Variants in AGAP4 observed in about 807,000 individuals in gnomAD.
AGAP4 encodes the protein arf-GAP with GTPase, ANK repeat and PH domain-containing protein 4.
AGAP4 carries 13 observed loss-of-function variants against 60.7 expected under a neutral mutation model. The ratio of observed to expected loss-of-function variants is 0.21; its 90% CI spans 0.14 to 0.34. AGAP4 has a LOEUF of 0.34. AGAP4 is among the 10% of genes least tolerant of loss of function. The pLI is 1.00. For missense variants in AGAP4, 169 were observed against 884.0 expected, an observed-to-expected ratio of 0.19 and a Z score of 10.26; for synonymous variants, 70 against 339.0, an observed-to-expected ratio of 0.21 and a Z score of 8.72.
chr10:45,848,670 T>C (rs1366840559), upstream of AGAP4, among the ~76,000 whole-genome samples: 1 of 152,094 alleles, frequency 6.6e-6, no homozygotes, highest in Non-Finnish European at 1.5e-5. Context: ...CCCAGTTGCT[T>C]AAGCATGATT....
upstream of AGAP4, chr10:45,847,514 T>G (rs1202730778): frequency 1.2e-4 from 179 of 1,503,998 alleles, no homozygotes; most frequent in Non-Finnish European, 1.5e-4. Flanking sequence ...GCCCTGGCCC[T>G]GGCCCCGGCC....
At chr10:45,836,948 C>A (rs2058828281) in intron 4 of AGAP4, among the ~76,000 whole-genome samples, 1 of 149,366 alleles carries the variant, frequency 6.7e-6, no homozygotes, top group Non-Finnish European at 1.5e-5. Flanking sequence ...CTCACTGCAA[C>A]CTCTGCCTCC....
At chr10:45,853,737 A>T in exon 1 of AGAP4, 1 of 1,288,004 alleles carries the variant, frequency 7.8e-7, no homozygotes, top group South Asian at 1.2e-5. Flanking sequence ...GCAGCAGCCA[A>T]CAGGTCTGGA....
At chr10:45,830,176 T>C (rs1250023659) in intron 6 of AGAP4, among the ~76,000 whole-genome samples, 1 of 149,360 alleles carries the variant, frequency 6.7e-6, no homozygotes, top group Non-Finnish European at 1.5e-5. Flanking sequence ...TTATTGCTTC[T>C]TTTTTTCTTT....
At chr10:45,852,768 T>C (rs2059100616) in intron 1 of AGAP4, among the ~76,000 whole-genome samples, 1 of 152,068 alleles carries the variant, frequency 6.6e-6, no homozygotes. Context: ...TCTAGTAAAA[T>C]CTTCAGGACC....
upstream of AGAP4, among the ~76,000 whole-genome samples, chr10:45,851,244 C>T (rs1449807312): frequency 6.6e-6 from 1 of 151,994 alleles, no homozygotes; most frequent in African/African-American, 2.4e-5. Context: ...ATTTGCACGG[C>T]ATTAAGTGAA....
chr10:45,853,999 G>A (rs2059112840), upstream of AGAP4: 1 of 629,026 alleles, frequency 1.6e-6, no homozygotes, highest in African/African-American at 1.9e-5. Context: ...TACTGGAGAT[G>A]AGTGACCCCA....
rs2059016145 is a variant in AGAP4 at position 45,847,309 on chromosome 10, G to A, written c.39C>T (p.Val13=). 10 of 1,596,996 alleles carry A rather than the reference G, an allele frequency of 6.3e-6. No homozygotes were observed. The highest frequency in any genetic ancestry group is 7.6e-6 in the Non-Finnish European group (9 of 1,179,622). Residue 13 remains valine, a synonymous_variant, in exon 1 of 8, where the codon GTC becomes GTT. Transcript: ENST00000616763. ...CCTGCTGCTGGTCAAACTCGAGGCT[G>A]ACGCTAGGGTGCACACGACAGGTCA... ...NILTCRVHPS[V]SLEFDQQQGS...
chr10:45,832,879 A>G (rs2135932805), intron 5 of AGAP4, among the ~76,000 whole-genome samples: 1 of 131,238 alleles, frequency 7.6e-6, no homozygotes, highest in East Asian at 2.2e-4. Context: ...TAGTGAATAC[A>G]CCAAATGATC....
Position 45,847,451 on chromosome 10 carries a change from C to G in AGAP4, c.-104G>C. 1 of 1,531,206 alleles carries G rather than the reference C, an allele frequency of 6.5e-7. No homozygotes were observed. The highest frequency in any genetic ancestry group is 8.7e-7 in the Non-Finnish European group (1 of 1,145,088). 94.9% of individuals were successfully genotyped at this position (1,531,206 alleles called of 1,614,324 possible). ...GCTATGCTGCACTTGCAGAGATGGT[C>G]TTCCCGCTCCTCGCCTGCCCACCTC... On this transcript the variant is annotated 5_prime_UTR_variant, in exon 1 of 8. Coordinates refer to ENST00000616763, the MANE Select transcript of AGAP4 (RefSeq NM_001276343.3).
chr10:45,829,949 A>C (rs1480556538), intron 6 of AGAP4, among the ~76,000 whole-genome samples: 1 of 148,150 alleles, frequency 6.7e-6, no homozygotes, highest in Non-Finnish European at 1.5e-5. Context: ...ATGATATTAT[A>C]AATGCAAGTA....
chr10:45,829,064 G>A (rs1218910549), intron 6 of AGAP4, among the ~76,000 whole-genome samples: 1 of 57,864 alleles, frequency 1.7e-5, no homozygotes, highest in Non-Finnish European at 3.3e-5. Flanking sequence ...ATTTGTGAAA[G>A]TAATACAAAG....
At chr10:45,847,079 C>T in intron 1 of AGAP4, 46 bp downstream of exon 1, 1 of 1,597,346 alleles carries the variant, frequency 6.3e-7, no homozygotes, top group South Asian at 1.1e-5. Flanking sequence ...GGGACAGTAG[C>T]AGCCAGAGGC....
At chr10:45,852,217 T>TAAAAA (rs781889843), upstream of AGAP4, among the ~76,000 whole-genome samples, 9 of 91,712 alleles carry the variant, frequency 9.8e-5, no homozygotes, top group African/African-American at 4.9e-4. Context: ...GGCCAGACTT[T>TAAAAA]AAAAAAAAAA....
At chr10:45,836,908 A>C (rs1590025880) in intron 4 of AGAP4, among the ~76,000 whole-genome samples, 1 of 146,834 alleles carries the variant, frequency 6.8e-6, no homozygotes, top group East Asian at 2.0e-4. Flanking sequence ...TCTGTTGCCC[A>C]GGCTGGAATA....
At chr10:45,853,929 G>A (rs1378962259), upstream of AGAP4, 11 of 1,178,974 alleles carry the variant, frequency 9.3e-6, no homozygotes, top group Non-Finnish European at 1.2e-5. Context: ...TATCACGTAA[G>A]TTCATTCATA....
intron 4 of AGAP4, among the ~76,000 whole-genome samples, chr10:45,834,918 C>T (rs1260537857): frequency 1.4e-5 from 2 of 147,062 alleles, no homozygotes; most frequent in Admixed American, 1.3e-4. Context: ...GGACTACAGG[C>T]GCCCACCACC....
upstream of AGAP4, among the ~76,000 whole-genome samples, chr10:45,849,457 A>AGAT (rs1219114195): frequency 0.08 from 11,539 of 144,568 alleles, 278 homozygotes; most frequent in African/African-American, 0.085. Context: ...ATGACATTGT[A>AGAT]GATGATGATG....
At chr10:45,849,519 CTT>C (rs1478311140), upstream of AGAP4, among the ~76,000 whole-genome samples, 2 of 150,678 alleles carry the variant, frequency 1.3e-5, no homozygotes, top group African/African-American at 4.9e-5. Flanking sequence ...AAGTTTTGCT[CTT>C]GTTGCCCAGT....
Sources: gnomAD v4.1 joint callset for allele counts (sites outside exome capture counted in the v4.1 genomes callset) on GRCh38, gnomAD v4.1.1 for gene constraint, MANE v1.5 for transcripts, NCBI Gene and HGNC (gene_info 2026-07-23, HGNC 2026-07-21) for gene names.